The following FZD3 variants were observed in gnomAD, a reference collection of about 807,000 sequenced individuals.
FZD3 encodes the protein frizzled-3.
In FZD3, 30 loss-of-function variants were observed where a neutral mutation model predicts 60.7. The observed-to-expected ratio is 0.49, with a 90% CI of 0.37 to 0.67. FZD3 has a LOEUF of 0.67. FZD3 is among the 30% of genes least tolerant of loss of function. FZD3 has a pLI of 0.00. For missense variants in FZD3, 605 were observed against 838.7 expected, an observed-to-expected ratio of 0.72 and a Z score of 3.44; for synonymous variants, 246 against 275.2, an observed-to-expected ratio of 0.89 and a Z score of 1.05.
intron 3 of FZD3, among the ~76,000 whole-genome samples, chr8:28,518,238 T>A (rs1006147329): frequency 2.0e-5 from 3 of 150,982 alleles, no homozygotes; most frequent in African/African-American, 7.3e-5. Flanking sequence ...TTTTTTTTTT[T>A]AAGTAGAGAT....
At chr8:28,509,288 G>A (rs982288807) in intron 3 of FZD3, among the ~76,000 whole-genome samples, 5 of 151,432 alleles carry the variant, frequency 3.3e-5, no homozygotes, top group Non-Finnish European at 5.9e-5. Context: ...TTTTTTAAAA[G>A]TTTTTATCCT....
At chr8:28,530,915 CTA>C (rs572079403) in intron 5 of FZD3, among the ~76,000 whole-genome samples, 142 of 152,236 alleles carry the variant, frequency 9.3e-4, no homozygotes, top group Non-Finnish European at 1.5e-3. Flanking sequence ...TACTGCAACT[CTA>C]TTTTTTAAAA....
At chr8:28,548,408 C>A (rs531178931) in intron 5 of FZD3, among the ~76,000 whole-genome samples, 1 of 151,730 alleles carries the variant, frequency 6.6e-6, no homozygotes, top group Non-Finnish European at 1.5e-5. Context: ...TCAAGCGAAC[C>A]ACCTGCCTCA....
At chr8:28,495,920 T>C (rs1370198569) in intron 1 of FZD3, among the ~76,000 whole-genome samples, 2 of 152,104 alleles carry the variant, frequency 1.3e-5, no homozygotes, top group Non-Finnish European at 2.9e-5. Flanking sequence ...TTCTACCCTC[T>C]CTTTCCTCCT....
At chr8:28,541,358 C>T (rs911434828) in intron 5 of FZD3, among the ~76,000 whole-genome samples, 4 of 152,198 alleles carry the variant, frequency 2.6e-5, no homozygotes, top group South Asian at 4.1e-4. Flanking sequence ...CCCTGTAATG[C>T]AAAATGTTCT....
At chr8:28,545,852 C>CA (rs1343781155) in intron 5 of FZD3, among the ~76,000 whole-genome samples, 6 of 152,200 alleles carry the variant, frequency 3.9e-5, no homozygotes, top group Non-Finnish European at 7.3e-5. Flanking sequence ...ATAGATATTA[C>CA]AGCCATGCAC....
At chr8:28,552,827 A>C (rs914650884) in intron 6 of FZD3, among the ~76,000 whole-genome samples, 1 of 152,198 alleles carries the variant, frequency 6.6e-6, no homozygotes, top group Non-Finnish European at 1.5e-5. Context: ...GTTCCATATC[A>C]GTGGATTCAG....
chr8:28,515,586 G>A (rs1243682944), intron 3 of FZD3, among the ~76,000 whole-genome samples: 1 of 152,216 alleles, frequency 6.6e-6, no homozygotes, highest in Non-Finnish European at 1.5e-5. Context: ...GTTTACTGGA[G>A]TTGTATGCAT....
intron 5 of FZD3, among the ~76,000 whole-genome samples, chr8:28,529,078 G>A (rs2130380348): frequency 6.6e-6 from 1 of 152,110 alleles, no homozygotes; most frequent in East Asian, 1.9e-4. Context: ...ACCATGCCCA[G>A]CTAATTTTTT....
In FZD3 at chr8:28,558,064, G is replaced by A. The variant is rs142292845; in HGVS notation, c.1787+2093G>A. 5.2e-4 allele frequency among the ~76,000 whole-genome samples: 79 copies of A among 152,336 alleles called. No individual in the cohort carries two copies. In the East Asian group the frequency reaches 0.013, roughly 26 times the overall value. On this transcript the variant is annotated intron_variant, in intron 7 of 7. Transcript: ENST00000240093. ...GGCAAGGAAGACAGGCAAGCAGTTAGGTACGTGGGTATGGCTAGAGCATAG... is the reference window on the plus strand; with the variant it reads ...GGCAAGGAAGACAGGCAAGCAGTTAAGTACGTGGGTATGGCTAGAGCATAG...
intron 5 of FZD3, among the ~76,000 whole-genome samples, chr8:28,538,767 A>G (rs188734934): frequency 6.6e-6 from 1 of 151,832 alleles, no homozygotes; most frequent in African/African-American, 2.4e-5. Context: ...ATGAATCTAG[A>G]AACTATTCTC....
intron 5 of FZD3, among the ~76,000 whole-genome samples, chr8:28,534,660 CTATT>C (rs1244308732): frequency 2.0e-5 from 3 of 152,190 alleles, no homozygotes; most frequent in African/African-American, 4.8e-5. Flanking sequence ...TACTTTGTCT[CTATT>C]AATTTAATTC....
intron 2 of FZD3, among the ~76,000 whole-genome samples, chr8:28,501,910 T>G (rs1271338168): frequency 6.6e-6 from 1 of 152,236 alleles, no homozygotes; most frequent in East Asian, 1.9e-4. Flanking sequence ...TAATATAATA[T>G]TGTGAAGATT....
chr8:28,521,378 T>C (rs1267818788), intron 4 of FZD3, among the ~76,000 whole-genome samples: 3 of 152,112 alleles, frequency 2.0e-5, no homozygotes, highest in Non-Finnish European at 1.5e-5. Context: ...AAGTGAGCAT[T>C]ATTATTAATA....
chr8:28,523,791 G>A (rs534918303), intron 4 of FZD3, among the ~76,000 whole-genome samples: 1 of 152,124 alleles, frequency 6.6e-6, no homozygotes, highest in Non-Finnish European at 1.5e-5. Flanking sequence ...CAAAGTTCAT[G>A]TATTGGAAAC....
chr8:28,526,282 C>G (rs1804713394), intron 4 of FZD3, among the ~76,000 whole-genome samples: 1 of 152,096 alleles, frequency 6.6e-6, no homozygotes, highest in Admixed American at 6.6e-5. Context: ...CTTTATATTC[C>G]AGCAATAACA....
intron 6 of FZD3, among the ~76,000 whole-genome samples, chr8:28,553,066 G>A (rs1381334214): frequency 1.3e-5 from 2 of 152,148 alleles, no homozygotes; most frequent in South Asian, 2.1e-4. Context: ...GGCACCCACA[G>A]GGGGTCCTGA....
chr8:28,550,237 T>TTTTGTTAAA, intron 5 of FZD3, among the ~76,000 whole-genome samples: 1 of 151,906 alleles, frequency 6.6e-6, no homozygotes, highest in South Asian at 2.1e-4. Flanking sequence ...TTAAATTACA[T>TTTTGTTAAA]TTTCCTATCA....
intron 3 of FZD3, among the ~76,000 whole-genome samples, chr8:28,508,251 G>A (rs1329968060): frequency 6.6e-6 from 1 of 151,970 alleles, no homozygotes; most frequent in Non-Finnish European, 1.5e-5. Context: ...TTTCTTTCTG[G>A]TGTGATTCAA....
Sources: gnomAD v4.1 joint callset for allele counts (sites outside exome capture counted in the v4.1 genomes callset) on GRCh38, gnomAD v4.1.1 for gene constraint, MANE v1.5 for transcripts, NCBI Gene and HGNC (gene_info 2026-07-23, HGNC 2026-07-21) for gene names.